Variants in HECW1 observed in about 807,000 individuals in gnomAD.
The protein encoded by HECW1 is E3 ubiquitin-protein ligase HECW1.
Under a neutral mutation model 182.3 loss-of-function variants are expected in HECW1, and 61 were observed. That is an observed-to-expected ratio of 0.33 (90% CI 0.27 to 0.41). The LOEUF (loss-of-function observed/expected upper bound fraction) is 0.41, where lower values mean the gene tolerates loss of function less well. Among genes scored for constraint, HECW1 ranks in the 10% least tolerant of loss-of-function variants. HECW1 has a pLI of 1.00. For synonymous variants in HECW1, 859 were observed against 832.6 expected (o/e 1.03, Z -0.55); for missense variants, 1,739 against 2,108.9 (o/e 0.82, Z 3.44).
intron 5 of HECW1, among the ~76,000 whole-genome samples, chr7:43,352,552 G>A (rs2152807058): frequency 6.6e-6 from 1 of 152,280 alleles, no homozygotes; most frequent in African/African-American, 2.4e-5. Flanking sequence ...CACCAAGAAA[G>A]GAGTTAATGT....
At chr7:43,394,721 G>C (rs999815645) in intron 6 of HECW1, among the ~76,000 whole-genome samples, 1 of 152,152 alleles carries the variant, frequency 6.6e-6, no homozygotes, top group Non-Finnish European at 1.5e-5. Context: ...CTGCCCAAAG[G>C]GTTCACCTTG....
At chr7:43,184,823 C>T (rs1280651176) in intron 2 of HECW1, among the ~76,000 whole-genome samples, 1 of 152,014 alleles carries the variant, frequency 6.6e-6, no homozygotes, top group Non-Finnish European at 1.5e-5. Context: ...CTTGGGGAGG[C>T]CTCAGAAAAC....
intron 24 of HECW1, among the ~76,000 whole-genome samples, chr7:43,535,469 G>C (rs1454046286): frequency 6.6e-6 from 1 of 152,136 alleles, no homozygotes; most frequent in Admixed American, 6.5e-5. Flanking sequence ...GCTGATGTGC[G>C]CGCACCAAGA....
At chr7:43,272,942 G>A (rs67523650) in intron 3 of HECW1, among the ~76,000 whole-genome samples, 21,058 of 152,182 alleles carry the variant, frequency 0.14, 1,858 homozygotes, top group South Asian at 0.26. Flanking sequence ...GTTGTGGACT[G>A]AATAAAGAAA....
chr7:43,261,451 C>T (rs1002185306), intron 3 of HECW1, among the ~76,000 whole-genome samples: 1 of 152,080 alleles, frequency 6.6e-6, no homozygotes, highest in South Asian at 2.1e-4. Flanking sequence ...TGTTTGCTGC[C>T]CCCTAGTGGC....
At chr7:43,275,426 G>A (rs1802997749) in intron 3 of HECW1, among the ~76,000 whole-genome samples, 1 of 152,098 alleles carries the variant, frequency 6.6e-6, no homozygotes, top group South Asian at 2.1e-4. Flanking sequence ...CTTATCTTGG[G>A]GTGATGACGC....
rs559163671 is a variant in HECW1, at chr7:43,166,100, T to C, written c.-32+51709T>C. ...TGTTTGTTTGTGTTTTTGGTTTTTT[T>C]TGAGACAGAGTTTCACTCTTTCGCC... is the stretch of plus-strand genomic sequence containing the variant. On this transcript the variant is annotated intron_variant, in intron 2 of 29. Coordinates refer to ENST00000395891, the MANE Select transcript of HECW1 (RefSeq NM_015052.5). 6.6e-5 allele frequency among the ~76,000 whole-genome samples: 10 copies of C among 152,338 alleles called. No homozygotes were observed. The East Asian group carries it at 1.9e-3, about 29-fold the overall frequency.
chr7:43,378,659 A>G (rs2074419715), intron 6 of HECW1, among the ~76,000 whole-genome samples: 1 of 152,118 alleles, frequency 6.6e-6, no homozygotes, highest in African/African-American at 2.4e-5. Flanking sequence ...ACAAAAAATT[A>G]GCTGAGTGTG....
At chr7:43,207,046 T>C (rs1268959236) in intron 2 of HECW1, among the ~76,000 whole-genome samples, 1 of 152,156 alleles carries the variant, frequency 6.6e-6, no homozygotes, top group Non-Finnish European at 1.5e-5. Context: ...ACCTTTTAAA[T>C]TTTTATTTTT....
chr7:43,261,463 C>A (rs1584230195), intron 3 of HECW1, among the ~76,000 whole-genome samples: 1 of 152,108 alleles, frequency 6.6e-6, no homozygotes, highest in South Asian at 2.1e-4. Context: ...CCTAGTGGCC[C>A]TTGGAAGCTC....
chr7:43,451,209 A>G (rs2077225168), intron 12 of HECW1, among the ~76,000 whole-genome samples: 1 of 152,168 alleles, frequency 6.6e-6, no homozygotes, highest in Non-Finnish European at 1.5e-5. Flanking sequence ...GTTAGACTTG[A>G]CTAGTCTTTG....
intron 19 of HECW1, among the ~76,000 whole-genome samples, chr7:43,494,958 A>G (rs1353793111): frequency 1.3e-5 from 2 of 152,238 alleles, no homozygotes; most frequent in East Asian, 3.9e-4. Flanking sequence ...TCTTTCCGGG[A>G]ATGACTTCCC....
rs2078428332 is a variant in HECW1, at chr7:43,481,360, T to C, written c.3234+1616T>C. ...GCTCTTTAATCTCATTAAGACAATT[T>C]CAGTATCCACATAGGGTAACTACAT... On this transcript the variant is annotated intron_variant, in intron 17 of 29. Coordinates refer to ENST00000395891, the MANE Select transcript of HECW1 (RefSeq NM_015052.5). Among the ~76,000 whole-genome samples the C allele has an allele frequency of 2.6e-5, 4 of 152,346 alleles. No individual in the cohort carries two copies. The South Asian group carries it at 8.3e-4, about 32-fold the overall frequency.
chr7:43,253,089 A>G (rs1358576658), intron 3 of HECW1, among the ~76,000 whole-genome samples: 1 of 151,758 alleles, frequency 6.6e-6, no homozygotes, highest in African/African-American at 2.4e-5. Context: ...CTTGGGATTT[A>G]CCTGGTTCAG....
At chr7:43,524,293 G>A (rs984281776) in intron 24 of HECW1, among the ~76,000 whole-genome samples, 3 of 152,082 alleles carry the variant, frequency 2.0e-5, no homozygotes, top group African/African-American at 7.2e-5. Context: ...ATCTACCCCA[G>A]GCAGACACAA....
At chr7:43,480,304 T>G (rs1396169866) in intron 17 of HECW1, among the ~76,000 whole-genome samples, 1 of 152,216 alleles carries the variant, frequency 6.6e-6, no homozygotes, top group Non-Finnish European at 1.5e-5. Context: ...ATTGCCTTTC[T>G]GAATTAGTAT....
At chr7:43,501,183 CTTTTTTTTT>C in intron 20 of HECW1, 21 bp from the exon 21 acceptor site, 7 of 744,844 alleles carry the variant, frequency 9.4e-6, no homozygotes, top group South Asian at 1.8e-5. Flanking sequence ...TCTTTTCTTT[CTTTTTTTTT>C]TTTTTTTTTT....
intron 3 of HECW1, among the ~76,000 whole-genome samples, chr7:43,296,796 G>T (rs1450453899): frequency 6.6e-6 from 1 of 152,218 alleles, no homozygotes; most frequent in African/African-American, 2.4e-5. Flanking sequence ...GCACTTTGCG[G>T]CCTCCACAGC....
intron 8 of HECW1, among the ~76,000 whole-genome samples, chr7:43,436,289 A>T (rs1031138797): frequency 1.3e-5 from 2 of 152,086 alleles, no homozygotes; most frequent in African/African-American, 2.4e-5. Flanking sequence ...GTTAATTAAG[A>T]CTTCCTCTTC....
Sources: allele counts gnomAD v4.1 joint callset (sites outside exome capture counted in the v4.1 genomes callset), GRCh38; gene constraint gnomAD v4.1.1; transcripts MANE v1.5; gene names NCBI Gene and HGNC (gene_info 2026-07-23, HGNC 2026-07-21).